Variants in RBFOX1 observed in about 807,000 individuals in gnomAD.
The protein encoded by RBFOX1 is RNA binding protein fox-1 homolog 1.
Under a neutral mutation model 57.7 loss-of-function variants are expected in RBFOX1, and 8 were observed. The ratio of observed to expected loss-of-function variants is 0.14; its 90% CI spans 0.08 to 0.25. The LOEUF (loss-of-function observed/expected upper bound fraction) is 0.25, where lower values mean the gene tolerates loss of function less well. Among genes scored for constraint, RBFOX1 ranks in the 10% least tolerant of loss-of-function variants. The probability of loss-of-function intolerance (pLI) is 1.00; values close to 1 mark genes in which losing one functional copy is unlikely to be tolerated. For missense variants in RBFOX1, 611 were observed against 548.5 expected, an observed-to-expected ratio of 1.11 and a Z score of -1.14; for synonymous variants, 326 against 222.4, an observed-to-expected ratio of 1.47 and a Z score of -4.15.
intron 3 of RBFOX1, among the ~76,000 whole-genome samples, chr16:5,662,936 T>C (rs187103879): frequency 8.6e-4 from 131 of 152,326 alleles, no homozygotes; most frequent in Middle Eastern, 3.4e-3. Flanking sequence ...GCTTAACACA[T>C]AGTAGACGCT....
intron 3 of RBFOX1, among the ~76,000 whole-genome samples, chr16:6,771,591 C>A (rs1362138535): frequency 6.6e-6 from 1 of 152,162 alleles, no homozygotes; most frequent in East Asian, 1.9e-4. Flanking sequence ...GTATAGAGAG[C>A]TTTCTGATGC....
At chr16:6,953,695 A>G (rs1371968728) in intron 3 of RBFOX1, among the ~76,000 whole-genome samples, 1 of 152,172 alleles carries the variant, frequency 6.6e-6, no homozygotes, top group Non-Finnish European at 1.5e-5. Flanking sequence ...CCTCACACGC[A>G]CACGATATTT....
chr16:5,371,294 A>T (rs1393731432), intron 1 of RBFOX1, among the ~76,000 whole-genome samples: 2 of 152,174 alleles, frequency 1.3e-5, no homozygotes, highest in Non-Finnish European at 2.9e-5. Flanking sequence ...GAGGCCCTTA[A>T]GAAGGGCCCT....
intron 4 of RBFOX1, among the ~76,000 whole-genome samples, chr16:6,003,698 C>G (rs1017730679): frequency 6.6e-6 from 1 of 152,246 alleles, no homozygotes; most frequent in East Asian, 1.9e-4. Context: ...GGCCTGGGGC[C>G]TTGGCCAAGT....
At chr16:5,293,477 CCA>C (rs1196997243) in intron 1 of RBFOX1, among the ~76,000 whole-genome samples, 1 of 152,166 alleles carries the variant, frequency 6.6e-6, no homozygotes, top group Non-Finnish European at 1.5e-5. Context: ...AACCTTGGCT[CCA>C]CCTTGGAATC....
At position 6,019,414 on chromosome 16, in the gene RBFOX1, C is replaced by G. The variant is rs568337312; in HGVS notation, c.-705C>G. On this transcript the variant is annotated 5_prime_UTR_variant, in exon 1 of 16. Transcript: ENST00000550418. This position sits in a 1 kb window ranked among gnomAD's most constrained non-coding sequence, Gnocchi z 4.2. ...TCCAAGCAGCGCGGAGGGTGGCGGA[C>G]GGCGGACGGAGCCCAGGGGCCGCGT... The G allele has an allele frequency of 1.4e-3, 1,337 of 986,958 alleles. 12 individuals are homozygous for G. The African/African-American group carries it at 0.022, about 16-fold the overall frequency. The allele number at this position is 986,958 out of a possible 1,614,324, so 61.1% of individuals were successfully genotyped here.
intron 10 of RBFOX1, among the ~76,000 whole-genome samples, chr16:7,619,940 A>G (rs899948757): frequency 1.3e-5 from 2 of 152,202 alleles, no homozygotes; most frequent in Non-Finnish European, 2.9e-5. Flanking sequence ...CCAGACACCT[A>G]TGGTCTGTCC....
intron 4 of RBFOX1, among the ~76,000 whole-genome samples, chr16:7,326,278 C>G (rs1199775631): frequency 1.3e-5 from 2 of 152,188 alleles, no homozygotes; most frequent in Non-Finnish European, 2.9e-5. Context: ...CAGGGCAAAT[C>G]ACTGCTGATG....
At chr16:7,372,086 T>C (rs988550139) in intron 4 of RBFOX1, among the ~76,000 whole-genome samples, 82 of 152,322 alleles carry the variant, frequency 5.4e-4, no homozygotes, top group Non-Finnish European at 7.3e-4. Flanking sequence ...GTTAATTTCC[T>C]AGCAGTGTGA....
At chr16:5,963,342 C>G (rs2152290397) in intron 4 of RBFOX1, among the ~76,000 whole-genome samples, 1 of 152,192 alleles carries the variant, frequency 6.6e-6, no homozygotes, top group South Asian at 2.1e-4. Context: ...TTCTCTGGCT[C>G]AGAAAGATAA....
At chr16:5,856,202 T>C (rs1238260483) in intron 3 of RBFOX1, among the ~76,000 whole-genome samples, 13 of 45,230 alleles carry the variant, frequency 2.9e-4, no homozygotes, top group Non-Finnish European at 5.0e-4. Flanking sequence ...TATATATATA[T>C]ATATACATAT....
At chr16:7,331,253 G>C (rs137906015) in intron 4 of RBFOX1, among the ~76,000 whole-genome samples, 190 of 152,306 alleles carry the variant, frequency 1.2e-3, no homozygotes, top group African/African-American at 4.4e-3. Flanking sequence ...GGATATGTTT[G>C]GCGGTGTTTG....
chr16:6,034,662 G>T (rs905810991), intron 1 of RBFOX1, among the ~76,000 whole-genome samples: 1 of 152,140 alleles, frequency 6.6e-6, no homozygotes, highest in Non-Finnish European at 1.5e-5. Context: ...TTTTGGCGGG[G>T]ACACAAACCT....
intron 2 of RBFOX1, among the ~76,000 whole-genome samples, chr16:6,335,791 G>GAA (rs1251093700): frequency 5.0e-5 from 6 of 118,970 alleles, no homozygotes; most frequent in African/African-American, 2.1e-4. Context: ...AAAAAAAAAA[G>GAA]AAAAAAAAAA....
At chr16:5,553,215 G>A (rs2045532066) in intron 2 of RBFOX1, among the ~76,000 whole-genome samples, 1 of 151,970 alleles carries the variant, frequency 6.6e-6, no homozygotes, top group Non-Finnish European at 1.5e-5. Context: ...AAACCAACAT[G>A]GCACATATAT....
intron 3 of RBFOX1, among the ~76,000 whole-genome samples, chr16:6,929,691 G>A (rs1024200017): frequency 6.7e-6 from 1 of 149,856 alleles, no homozygotes; most frequent in Non-Finnish European, 1.5e-5. Context: ...GTTAGAGAAT[G>A]TGTTACTACG....
intron 3 of RBFOX1, among the ~76,000 whole-genome samples, chr16:6,888,610 C>A (rs956072011): frequency 6.6e-6 from 1 of 152,012 alleles, no homozygotes; most frequent in Non-Finnish European, 1.5e-5. Context: ...TTTTAGAGGT[C>A]TTTTGGTTCA....
intron 4 of RBFOX1, among the ~76,000 whole-genome samples, chr16:5,975,759 T>C (rs2060049452): frequency 6.6e-6 from 1 of 152,196 alleles, no homozygotes. Context: ...TTGCTGGTTG[T>C]GCTGCTTTGG....
At chr16:5,614,432 C>A (rs1480231229) in intron 3 of RBFOX1, among the ~76,000 whole-genome samples, 1 of 152,116 alleles carries the variant, frequency 6.6e-6, no homozygotes, top group East Asian at 1.9e-4. Flanking sequence ...AGTTCACTGG[C>A]ACAGAGTCGT....
Sources: gnomAD v4.1 joint callset for allele counts (sites outside exome capture counted in the v4.1 genomes callset) on GRCh38, gnomAD v4.1.1 for gene constraint, Gnocchi (gnomAD v3.1) non-coding constraint, MANE v1.5 for transcripts, NCBI Gene and HGNC (gene_info 2026-07-23, HGNC 2026-07-21) for gene names.